TYR: variants seen among roughly 807,000 people sequenced by gnomAD.
TYR encodes the protein LB24-AB.
TYR carries 58 observed loss-of-function variants against 51.5 expected under a neutral mutation model. The ratio of observed to expected loss-of-function variants is 1.13; its 90% CI spans 0.91 to 1.40. The LOEUF is 1.40. Ranked by LOEUF, TYR falls within the 40% of genes most tolerant of loss-of-function variation. The pLI is 0.00. For missense variants in TYR, 732 were observed against 647.4 expected, an observed-to-expected ratio of 1.13 and a Z score of -1.42; for synonymous variants, 263 against 235.2, an observed-to-expected ratio of 1.12 and a Z score of -1.08.
intron 3 of TYR, among the ~76,000 whole-genome samples, chr11:89,228,498 G>C (rs1432538334): frequency 6.6e-6 from 1 of 152,180 alleles, no homozygotes; most frequent in Non-Finnish European, 1.5e-5. Context: ...TGGACACACA[G>C]AACTGCTATA....
At chr11:89,243,339 A>G (rs1944224105) in intron 3 of TYR, among the ~76,000 whole-genome samples, 2 of 152,180 alleles carry the variant, frequency 1.3e-5, no homozygotes, top group Admixed American at 1.3e-4. Flanking sequence ...CTTCCTAAAC[A>G]GGCATGTTAA....
rs147210895 is a variant in TYR at position 89,227,997 on chromosome 11, C to T, written c.1184+27C>T. 4,731 of 1,611,408 alleles carry T rather than the reference C, an allele frequency of 2.9e-3. 27 individuals carry two copies. Among genetic ancestry groups the T allele is most frequent in the Admixed American group, 5.7e-3 (343 of 59,862 alleles). ...TTGGTTAATATTTCTTTATAAATAA[C>T]GTGCTCATTGGATTTAAATAGAGGG... On this transcript the variant is annotated intron_variant, in intron 3 of 4. Coordinates refer to ENST00000263321, the MANE Select transcript of TYR (RefSeq NM_000372.5).
chr11:89,237,885 G>C (rs948671477), intron 3 of TYR, among the ~76,000 whole-genome samples: 2 of 151,546 alleles, frequency 1.3e-5, no homozygotes, highest in African/African-American at 4.8e-5. Context: ...ACCCAGACTG[G>C]AGTGCAGTGA....
At chr11:89,250,612 T>A (rs926916719) in intron 3 of TYR, among the ~76,000 whole-genome samples, 62 of 151,924 alleles carry the variant, frequency 4.1e-4, no homozygotes, top group Non-Finnish European at 1.2e-4. Context: ...TCTGCAGGGT[T>A]AATTTCTTCT....
rs1448717045 is a variant in TYR, at chr11:89,278,464, T to TA, written c.1185-6304dup. Reference sequence around the variant, plus strand: ...TTAAATATATGAATGAATAAATAAATAAAAAGGTCTTCTATTACATATGTG... The same window carrying TA: ...TTAAATATATGAATGAATAAATAAATAAAAAAGGTCTTCTATTACATATGTG... On this transcript the variant is annotated intron_variant, in intron 3 of 4. Coordinates refer to ENST00000263321, the MANE Select transcript of TYR (RefSeq NM_000372.5). Among the ~76,000 whole-genome samples the TA allele has an allele frequency of 2.0e-5, 3 of 151,668 alleles. No individual in the cohort carries two copies. The East Asian group carries it at 5.8e-4, about 29-fold the overall frequency.
chr11:89,230,826 A>G (rs1158412709), intron 3 of TYR, among the ~76,000 whole-genome samples: 2 of 151,896 alleles, frequency 1.3e-5, no homozygotes, highest in African/African-American at 4.8e-5. Flanking sequence ...AACCACAATG[A>G]GATAATATTA....
chr11:89,292,966 CTT>C (rs146851575), intron 4 of TYR, among the ~76,000 whole-genome samples: 3,582 of 152,170 alleles, frequency 0.024, 137 homozygotes, highest in African/African-American at 0.082. Context: ...TAAATTAAGT[CTT>C]GTTTAGATAA....
At chr11:89,188,934 T>C (rs542455374) in intron 1 of TYR, among the ~76,000 whole-genome samples, 2 of 152,084 alleles carry the variant, frequency 1.3e-5, no homozygotes, top group African/African-American at 4.8e-5. Flanking sequence ...AGGAAATAGA[T>C]ACCCAAACCA....
intron 3 of TYR, among the ~76,000 whole-genome samples, chr11:89,268,257 T>C (rs1412037364): frequency 1.3e-5 from 2 of 151,964 alleles, no homozygotes; most frequent in Admixed American, 1.3e-4. Flanking sequence ...CTCTCACTAC[T>C]GCTACCATAC....
rs186215014 is a variant in TYR at position 89,211,759 on chromosome 11, A to G, written c.1037-16064A>G. 3.7e-3 allele frequency among the ~76,000 whole-genome samples: 560 copies of G among 152,350 alleles called. 3 individuals are homozygous for G. The highest frequency in any genetic ancestry group is 0.013 in the African/African-American group (535 of 41,594). On this transcript the variant is annotated intron_variant, in intron 2 of 4. Coordinates refer to ENST00000263321, the MANE Select transcript of TYR (RefSeq NM_000372.5). ...CACAACAAACTGTCTCTCAGACCAC[A>G]GTGCAATCAAGTTAGAACTCAGGAT...
In TYR at chr11:89,203,498, C is replaced by T. The variant is rs80288629; in HGVS notation, c.1036+12080C>T. On this transcript the variant is annotated intron_variant, in intron 2 of 4. Transcript: ENST00000263321. ...TTGTCAATAACAAAAGTATACAACA[C>T]AGACTTCTACTTCTGGGAAGGTAAA... Among the ~76,000 whole-genome samples, 141 of 152,278 alleles carry T rather than the reference C, an allele frequency of 9.3e-4. 2 individuals carry two copies. The East Asian group carries it at 0.027, about 29-fold the overall frequency.
At chr11:89,181,683 G>A (rs1014318465) in intron 1 of TYR, among the ~76,000 whole-genome samples, 2 of 152,074 alleles carry the variant, frequency 1.3e-5, no homozygotes, top group Non-Finnish European at 2.9e-5. Flanking sequence ...TCTGAGCTGA[G>A]AGATCTTCAA....
chr11:89,178,447 C>T lies in TYR; in HGVS notation c.494C>T (p.Pro165Leu), dbSNP rs1234848945. The change falls in exon 1 of 5, where the codon CCC becomes CTC. Residue 165 changes from proline to leucine, a missense_variant. Coordinates refer to ENST00000263321, the MANE Select transcript of TYR (RefSeq NM_000372.5). ...GGCCAAATGAAAAATGGATCAACAC[C>T]CATGTTTAACGACATCAATATTTAT... ...TYGQMKNGST[P>L]MFNDINIYDL... The T allele has an allele frequency of 1.2e-6, 2 of 1,614,122 alleles. No individual in the cohort carries two copies. The highest frequency in any genetic ancestry group is 1.7e-6 in the Non-Finnish European group (2 of 1,180,028).
At chr11:89,184,784 T>C (rs906126277) in intron 1 of TYR, among the ~76,000 whole-genome samples, 1 of 152,134 alleles carries the variant, frequency 6.6e-6, no homozygotes, top group African/African-American at 2.4e-5. Context: ...AGAATTGAAG[T>C]TGCATCTACC....
chr11:89,258,584 CAT>C (rs139955765), intron 3 of TYR, among the ~76,000 whole-genome samples: 2,972 of 151,930 alleles, frequency 0.02, 115 homozygotes, highest in African/African-American at 0.069. Flanking sequence ...TAATGTGCAT[CAT>C]AGAATATATG....
chr11:89,264,735 C>CAAAAAA (rs11453031), intron 3 of TYR, among the ~76,000 whole-genome samples: 1 of 135,394 alleles, frequency 7.4e-6, no homozygotes. Flanking sequence ...ACTATGCAGC[C>CAAAAAA]AAAAAAAAAA....
chr11:89,282,171 A>G (rs1425490258), intron 3 of TYR, among the ~76,000 whole-genome samples: 1 of 151,760 alleles, frequency 6.6e-6, no homozygotes, highest in Non-Finnish European at 1.5e-5. Context: ...TAGGTAAAGA[A>G]TTTTTATTTC....
At chr11:89,194,064 A>T (rs1943484101) in intron 2 of TYR, among the ~76,000 whole-genome samples, 2 of 152,186 alleles carry the variant, frequency 1.3e-5, no homozygotes, top group Non-Finnish European at 1.5e-5. Flanking sequence ...ATCAGTTTTT[A>T]AAATTAGATA....
Position 89,216,647 on chromosome 11 carries a change from C to CAAAA in TYR, c.1037-11157_1037-11154dup, listed in dbSNP as rs11411684. Among the ~76,000 whole-genome samples, 70 of 80,770 alleles carry CAAAA rather than the reference C, an allele frequency of 8.7e-4. 2 individuals are homozygous for CAAAA. Among genetic ancestry groups the CAAAA allele is most frequent in the African/African-American group, 2.7e-3 (58 of 21,744 alleles). 53.0% of individuals were successfully genotyped at this position (80,770 alleles called of 152,430 possible). On this transcript the variant is annotated intron_variant, in intron 2 of 4. Coordinates refer to ENST00000263321, the MANE Select transcript of TYR (RefSeq NM_000372.5). ...CAGCCTGGATGGAGTTTTTCCATCT[C>CAAAA]AAAAAAAAAAAAAAAAAAAAAATAG...
Sources: allele counts gnomAD v4.1 joint callset (sites outside exome capture counted in the v4.1 genomes callset), GRCh38; gene constraint gnomAD v4.1.1; transcripts MANE v1.5; gene names NCBI Gene and HGNC (gene_info 2026-07-23, HGNC 2026-07-21).